SYN3: variants seen among roughly 807,000 people sequenced by gnomAD.
SYN3 encodes the protein synapsin-3.
Under a neutral mutation model 65.8 loss-of-function variants are expected in SYN3, and 35 were observed. The ratio of observed to expected loss-of-function variants is 0.53; its 90% CI spans 0.41 to 0.70. The LOEUF (loss-of-function observed/expected upper bound fraction) is 0.70, where lower values mean the gene tolerates loss of function less well. Ranked by LOEUF, SYN3 falls within the 30% of genes least tolerant of loss-of-function variation. The pLI is 0.00. For missense variants in SYN3, 680 were observed against 749.0 expected (o/e 0.91, Z 1.08); for synonymous variants, 270 against 292.9 (o/e 0.92, Z 0.80).
At chr22:32,631,452 GA>G (rs1260458540) in intron 6 of SYN3, among the ~76,000 whole-genome samples, 1 of 152,138 alleles carries the variant, frequency 6.6e-6, no homozygotes, top group Non-Finnish European at 1.5e-5. Flanking sequence ...GCTTAAGGCT[GA>G]AGTCTGCAAA....
At chr22:32,948,503 G>A (rs374108955) in intron 3 of SYN3, among the ~76,000 whole-genome samples, 42 of 152,092 alleles carry the variant, frequency 2.8e-4, no homozygotes, top group African/African-American at 9.7e-4. Context: ...TTGGGAGGCC[G>A]AGGCGGGCAG....
chr22:32,999,505 T>A (rs879465782), intron 2 of SYN3, among the ~76,000 whole-genome samples: 1 of 152,030 alleles, frequency 6.6e-6, no homozygotes, highest in Non-Finnish European at 1.5e-5. Flanking sequence ...GCCAACAAGA[T>A]GAAACCGTCT....
intron 1 of SYN3, among the ~76,000 whole-genome samples, chr22:33,021,784 ATTTTT>A (rs57313381): frequency 7.1e-6 from 1 of 141,660 alleles, no homozygotes; most frequent in African/African-American, 2.6e-5. Context: ...ACTGTAACTT[ATTTTT>A]TTTTTTTTTT....
chr22:33,042,303 G>T (rs113152378), intron 1 of SYN3, among the ~76,000 whole-genome samples: 76 of 152,294 alleles, frequency 5.0e-4, no homozygotes, highest in Middle Eastern at 3.4e-3. Flanking sequence ...AAATAAAAGT[G>T]TGGGGGTCAG....
chr22:32,965,498 T>C (rs531965790), intron 3 of SYN3, among the ~76,000 whole-genome samples: 3 of 152,226 alleles, frequency 2.0e-5, no homozygotes, highest in Non-Finnish European at 2.9e-5. Context: ...TAGCACTGTG[T>C]ACCCTACTTT....
At chr22:33,022,404 T>G (rs779351515) in intron 1 of SYN3, among the ~76,000 whole-genome samples, 3 of 152,238 alleles carry the variant, frequency 2.0e-5, no homozygotes, top group African/African-American at 7.2e-5. Flanking sequence ...AGGTCCAACA[T>G]GCACCTGCTG....
At chr22:33,039,686 G>A (rs984726873) in intron 1 of SYN3, among the ~76,000 whole-genome samples, 7 of 152,084 alleles carry the variant, frequency 4.6e-5, no homozygotes, top group Admixed American at 2.0e-4. Flanking sequence ...GATTACGGGC[G>A]TGAGCCACCG....
chr22:32,584,159 C>T (rs1315588505), intron 7 of SYN3: 2 of 152,354 alleles, frequency 1.3e-5, no homozygotes, highest in South Asian at 2.1e-4. Flanking sequence ...CCTCCTGTTT[C>T]CTTGTTTGGC....
chr22:33,039,929 T>C (rs1204370715), intron 1 of SYN3, among the ~76,000 whole-genome samples: 2 of 152,178 alleles, frequency 1.3e-5, no homozygotes, highest in East Asian at 1.9e-4. Context: ...TGTTAGCTCA[T>C]AGTAGATGGT....
chr22:32,664,790 C>T (rs1410515228), intron 6 of SYN3, among the ~76,000 whole-genome samples: 1 of 151,276 alleles, frequency 6.6e-6, no homozygotes, highest in Non-Finnish European at 1.5e-5. Flanking sequence ...CAGGGTTTCA[C>T]TGTGTTAGCC....
chr22:32,917,210 C>G (rs1375129180), intron 4 of SYN3, among the ~76,000 whole-genome samples: 2 of 152,120 alleles, frequency 1.3e-5, no homozygotes, highest in Non-Finnish European at 2.9e-5. Flanking sequence ...CAAAGCCATA[C>G]AAACAGCAAA....
chr22:32,667,798 CTTTTTT>C (rs759464712), intron 6 of SYN3, among the ~76,000 whole-genome samples: 1 of 139,134 alleles, frequency 7.2e-6, no homozygotes, highest in Non-Finnish European at 1.6e-5. Context: ...TTCTTTCTTT[CTTTTTT>C]TTTTTTTTTT....
At chr22:32,748,738 A>C (rs1479661300) in intron 6 of SYN3, among the ~76,000 whole-genome samples, 1 of 152,176 alleles carries the variant, frequency 6.6e-6, no homozygotes, top group Non-Finnish European at 1.5e-5. Flanking sequence ...ACCAGAACGA[A>C]GGTAGCCCCT....
chr22:32,735,419 T>C (rs1383221119), intron 6 of SYN3, among the ~76,000 whole-genome samples: 1 of 152,224 alleles, frequency 6.6e-6, no homozygotes, highest in Non-Finnish European at 1.5e-5. Context: ...TCACTACTAT[T>C]AGCAGATCAA....
At chr22:32,616,306 A>T (rs2059519317) in intron 6 of SYN3, among the ~76,000 whole-genome samples, 4 of 151,798 alleles carry the variant, frequency 2.6e-5, no homozygotes, top group Admixed American at 2.6e-4. Flanking sequence ...GGAAACTTCC[A>T]GGGTCTCTGA....
At chr22:32,942,950 A>G (rs1021071867) in intron 3 of SYN3, among the ~76,000 whole-genome samples, 2 of 152,232 alleles carry the variant, frequency 1.3e-5, no homozygotes, top group Non-Finnish European at 1.5e-5. Flanking sequence ...ACTATGTGAA[A>G]AAACCAAATC....
intron 3 of SYN3, among the ~76,000 whole-genome samples, chr22:32,976,183 C>T (rs950357030): frequency 1.3e-5 from 2 of 152,196 alleles, no homozygotes; most frequent in African/African-American, 4.8e-5. Flanking sequence ...TTCCTAACCC[C>T]ATCCCAACCC....
intron 3 of SYN3, among the ~76,000 whole-genome samples, chr22:32,951,831 T>A (rs2051299568): frequency 6.6e-6 from 1 of 152,182 alleles, no homozygotes; most frequent in Non-Finnish European, 1.5e-5. Context: ...CGCCCTTGTC[T>A]TTCACCTTCC....
chr22:32,674,142 G>A (rs1215378226), intron 6 of SYN3, among the ~76,000 whole-genome samples: 1 of 152,134 alleles, frequency 6.6e-6, no homozygotes, highest in Non-Finnish European at 1.5e-5. Flanking sequence ...GTAGGAGAGG[G>A]AGAAGGAGAG....
Sources: allele counts gnomAD v4.1 joint callset (sites outside exome capture counted in the v4.1 genomes callset), GRCh38; gene constraint gnomAD v4.1.1; transcripts MANE v1.5; gene names NCBI Gene and HGNC (gene_info 2026-07-23, HGNC 2026-07-21).